ANKFN1: variants seen among roughly 807,000 people sequenced by gnomAD.
ANKFN1 encodes ankyrin repeat and fibronectin type III domain containing 1, also known as ankyrin repeat and fibronectin type-III domain-containing protein 1.
ANKFN1 carries 74 observed loss-of-function variants against 108.7 expected under a neutral mutation model. The observed-to-expected ratio is 0.68, with a 90% CI of 0.56 to 0.83. ANKFN1 has a LOEUF of 0.83. Among genes scored for constraint, ANKFN1 ranks in the 40% least tolerant of loss-of-function variants. The pLI is 0.00. For synonymous variants in ANKFN1, 547 were observed against 516.2 expected (o/e 1.06, Z -0.81); for missense variants, 1,505 against 1,382.3 (o/e 1.09, Z -1.41).
intron 1 of ANKFN1, among the ~76,000 whole-genome samples, chr17:56,185,378 A>C (rs535707766): frequency 6.6e-6 from 1 of 152,200 alleles, no homozygotes; most frequent in Non-Finnish European, 1.5e-5. Context: ...CATAAATCCC[A>C]GTTTTAATTA....
chr17:56,230,292 C>G (rs1916635298), intron 3 of ANKFN1, among the ~76,000 whole-genome samples: 1 of 152,064 alleles, frequency 6.6e-6, no homozygotes. Context: ...TTCACTCCTT[C>G]AGTAGTATAA....
intron 20 of ANKFN1, among the ~76,000 whole-genome samples, chr17:56,502,645 C>T (rs887035993): frequency 6.6e-6 from 1 of 152,190 alleles, no homozygotes; most frequent in African/African-American, 2.4e-5. Context: ...CAAGTGTGAC[C>T]ACTTTGAATT....
chr17:56,271,735 A>G (rs2043799704), intron 3 of ANKFN1, among the ~76,000 whole-genome samples: 1 of 152,178 alleles, frequency 6.6e-6, no homozygotes, highest in Admixed American at 6.5e-5. Context: ...CTATAAGACA[A>G]GTTGGGACAT....
chr17:56,492,207 GAGAAATTTAT>G lies in ANKFN1; in HGVS notation c.2282_2291del (p.Glu761ValfsTer16). 1.4e-6 allele frequency: 1 copy of G among 701,040 alleles called. No homozygotes were observed. 43.4% of individuals were successfully genotyped at this position (701,040 alleles called of 1,614,324 possible). On this transcript the variant is annotated frameshift_variant, in exon 19 of 21. Transcript: ENST00000682825. LOFTEE classifies it high-confidence loss of function. ...TCCAGTTCATTTTTGCAGCTACAGA[GAGAAATTTAT>G]TAGTCTGTATTGCCGCCTTTCTGCT...
At chr17:56,204,756 C>T (rs1171206987) in intron 1 of ANKFN1, among the ~76,000 whole-genome samples, 5 of 152,262 alleles carry the variant, frequency 3.3e-5, no homozygotes, top group African/African-American at 7.2e-5. Context: ...CCTCCCCATC[C>T]GTAATCCCAG....
chr17:56,245,699 A>C (rs1287176842), intron 3 of ANKFN1: 4 of 152,162 alleles, frequency 2.6e-5, no homozygotes, highest in Non-Finnish European at 5.9e-5. Context: ...TGTCATTAAA[A>C]TGAAGAAGAA....
intron 3 of ANKFN1, among the ~76,000 whole-genome samples, chr17:56,321,034 C>G (rs899572034): frequency 6.7e-6 from 1 of 150,210 alleles, no homozygotes; most frequent in Non-Finnish European, 1.5e-5. Context: ...AACTAGCATG[C>G]CCGTGAGCAG....
rs530147365 is a variant in ANKFN1 at position 56,437,584 on chromosome 17, T to G, written c.911-2743T>G. On this transcript the variant is annotated intron_variant, in intron 8 of 20. Transcript: ENST00000682825. The stretch of plus-strand genomic sequence containing the variant: ...AAATTTGCTACTCATTTTTGTTTTG[T>G]TCTGTTTGTAATAACTTACTCAAGC... Among the ~76,000 whole-genome samples the G allele has an allele frequency of 3.2e-4, 49 of 152,330 alleles. No homozygotes were observed. The South Asian group carries it at 9.5e-3, about 30-fold the overall frequency.
chr17:56,237,485 T>A (rs576410763), intron 3 of ANKFN1, among the ~76,000 whole-genome samples: 1 of 152,288 alleles, frequency 6.6e-6, no homozygotes, highest in Middle Eastern at 3.4e-3. Context: ...GTTCAGGGAA[T>A]CAATTTCTTC....
chr17:56,304,649 C>G (rs140133652), intron 3 of ANKFN1, among the ~76,000 whole-genome samples: 1 of 152,208 alleles, frequency 6.6e-6, no homozygotes, highest in East Asian at 1.9e-4. Context: ...AACTCACCAA[C>G]ATTTGGTGTT....
intron 4 of ANKFN1, among the ~76,000 whole-genome samples, chr17:56,108,094 G>A (rs180813131): frequency 8.5e-5 from 13 of 152,266 alleles, no homozygotes; most frequent in Middle Eastern, 3.4e-3. Flanking sequence ...GAGTGCAGTG[G>A]TGTGATCTCA....
intron 8 of ANKFN1, among the ~76,000 whole-genome samples, chr17:56,424,931 A>G (rs2048513002): frequency 6.6e-6 from 1 of 152,198 alleles, no homozygotes. Flanking sequence ...TCAAATGTGT[A>G]GAATTGAGAT....
intron 8 of ANKFN1, among the ~76,000 whole-genome samples, chr17:56,433,774 C>T (rs2048839914): frequency 6.6e-6 from 1 of 151,400 alleles, no homozygotes; most frequent in African/African-American, 2.4e-5. Flanking sequence ...CAAATCACCA[C>T]TGAAGAACTT....
chr17:56,085,543 G>A (rs4793802), intron 4 of ANKFN1, among the ~76,000 whole-genome samples: 76,674 of 150,548 alleles, frequency 0.51, 22,867 homozygotes, highest in Non-Finnish European at 0.66. Flanking sequence ...AACTGAGGGA[G>A]AATAAATTTT....
intron 8 of ANKFN1, among the ~76,000 whole-genome samples, chr17:56,400,454 T>G (rs1402769509): frequency 1.3e-5 from 2 of 152,158 alleles, no homozygotes; most frequent in Non-Finnish European, 1.5e-5. Context: ...TACTGATTTG[T>G]TTGAGTTCAT....
chr17:56,492,834 T>G (rs2051085038), intron 19 of ANKFN1, among the ~76,000 whole-genome samples: 1 of 152,204 alleles, frequency 6.6e-6, no homozygotes, highest in Admixed American at 6.5e-5. Context: ...CTTTAATATG[T>G]GGCTGTTAAG....
At chr17:56,226,311 A>G (rs972803922) in intron 2 of ANKFN1, among the ~76,000 whole-genome samples, 1 of 152,174 alleles carries the variant, frequency 6.6e-6, no homozygotes, top group Admixed American at 6.6e-5. Context: ...ATTCAGTCCA[A>G]TAAAAATGTA....
intron 4 of ANKFN1, among the ~76,000 whole-genome samples, chr17:56,082,757 A>G (rs184044000): frequency 2.0e-5 from 3 of 152,356 alleles, no homozygotes; most frequent in Admixed American, 2.0e-4. Flanking sequence ...GTGAGACAAC[A>G]CAATGACTTC....
intron 4 of ANKFN1, among the ~76,000 whole-genome samples, chr17:56,124,059 A>G (rs1232945708): frequency 6.6e-6 from 1 of 152,154 alleles, no homozygotes; most frequent in Non-Finnish European, 1.5e-5. Flanking sequence ...ACCAACTTTT[A>G]ATCTAGGCCT....
Sources: gnomAD v4.1 joint callset for allele counts (sites outside exome capture counted in the v4.1 genomes callset) on GRCh38, gnomAD v4.1.1 for gene constraint, MANE v1.5 for transcripts, NCBI Gene and HGNC (gene_info 2026-07-23, HGNC 2026-07-21) for gene names.